JARID2: variants seen among roughly 807,000 people sequenced by gnomAD.
The protein encoded by JARID2 is protein Jumonji.
JARID2 carries 21 observed loss-of-function variants against 125.6 expected under a neutral mutation model. The observed-to-expected ratio is 0.17, with a 90% confidence interval of 0.12 to 0.24. The LOEUF is 0.24. JARID2 is among the 10% of genes least tolerant of loss of function. JARID2 has a pLI of 1.00. For missense variants in JARID2, 1,303 were observed against 1,639.6 expected, an observed-to-expected ratio of 0.79 and a Z score of 3.55; for synonymous variants, 736 against 661.6, an observed-to-expected ratio of 1.11 and a Z score of -1.73.
intron 1 of JARID2, among the ~76,000 whole-genome samples, chr6:15,257,227 G>A (rs1759700244): frequency 6.6e-6 from 1 of 152,156 alleles, no homozygotes; most frequent in South Asian, 2.1e-4. Context: ...AAATCCACGT[G>A]TAATCCCCAT....
intron 1 of JARID2, among the ~76,000 whole-genome samples, chr6:15,285,356 C>T (rs1442840718): frequency 6.6e-6 from 1 of 151,810 alleles, no homozygotes; most frequent in Non-Finnish European, 1.5e-5. Flanking sequence ...AACTGCTAAC[C>T]TCAGGTGATC....
At chr6:15,345,906 G>C (rs1409330764) in intron 1 of JARID2, among the ~76,000 whole-genome samples, 4 of 152,162 alleles carry the variant, frequency 2.6e-5, no homozygotes, top group Non-Finnish European at 4.4e-5. Context: ...TCTCTGCTCT[G>C]CTGCTTATCC....
At chr6:15,338,730 T>G (rs1338973535) in intron 1 of JARID2, among the ~76,000 whole-genome samples, 1 of 152,056 alleles carries the variant, frequency 6.6e-6, no homozygotes, top group African/African-American at 2.4e-5. Flanking sequence ...TGCTCCCTCC[T>G]AAAAATTCTT....
intron 1 of JARID2, among the ~76,000 whole-genome samples, chr6:15,259,513 C>T (rs1426900455): frequency 6.6e-6 from 1 of 152,194 alleles, no homozygotes; most frequent in Non-Finnish European, 1.5e-5. Flanking sequence ...AATGCCACAT[C>T]TCCTTCTCAA....
intron 1 of JARID2, among the ~76,000 whole-genome samples, chr6:15,302,936 T>C (rs898638787): frequency 6.6e-6 from 1 of 151,748 alleles, no homozygotes; most frequent in African/African-American, 2.4e-5. Context: ...GGGTTTCAGG[T>C]TGGTTTCGAA....
chr6:15,249,565 C>T (rs1452181951), intron 1 of JARID2, among the ~76,000 whole-genome samples: 1 of 152,164 alleles, frequency 6.6e-6, no homozygotes, highest in Non-Finnish European at 1.5e-5. Context: ...AACTAAGTCA[C>T]TGAAAAGATC....
chr6:15,395,372 C>T (rs756907630), intron 2 of JARID2, among the ~76,000 whole-genome samples: 3 of 150,826 alleles, frequency 2.0e-5, no homozygotes, highest in South Asian at 2.1e-4. Context: ...CTCAGCTCAC[C>T]GCAACCTCCG....
At chr6:15,396,395 T>A (rs1765219712) in intron 2 of JARID2, among the ~76,000 whole-genome samples, 1 of 152,202 alleles carries the variant, frequency 6.6e-6, no homozygotes, top group South Asian at 2.1e-4. Flanking sequence ...TTTTTCTTAA[T>A]CATTCTTAAT....
chr6:15,251,171 C>T (rs544573339), intron 1 of JARID2, among the ~76,000 whole-genome samples: 1 of 152,214 alleles, frequency 6.6e-6, no homozygotes, highest in South Asian at 2.1e-4. Flanking sequence ...CCTATCATGT[C>T]CGGCTAATTT....
chr6:15,359,046 C>T (rs953845390), intron 1 of JARID2, among the ~76,000 whole-genome samples: 28 of 152,214 alleles, frequency 1.8e-4, no homozygotes, highest in South Asian at 4.1e-4. Flanking sequence ...CACAAACCAC[C>T]AGCAGTGGTG....
Position 15,246,116 on chromosome 6 carries a change from T to C in JARID2, c.-424T>C, listed in dbSNP as rs1759176033. ...CTGCTGCTGCAGCACAAACGTGACT[T>C]CCAACATTTTTTATTTATCTTTCCC... On this transcript the variant is annotated 5_prime_UTR_variant, in exon 1 of 18. Coordinates refer to ENST00000341776, the MANE Select transcript of JARID2 (RefSeq NM_004973.4). 6.6e-6 allele frequency among the ~76,000 whole-genome samples: 1 copy of C among 152,158 alleles called. No homozygotes were observed. Among genetic ancestry groups the C allele is most frequent in the African/African-American group, 2.4e-5 (1 of 41,432 alleles).
At chr6:15,386,845 C>A (rs1038915376) in intron 2 of JARID2, among the ~76,000 whole-genome samples, 57 of 152,314 alleles carry the variant, frequency 3.7e-4, no homozygotes, top group African/African-American at 1.3e-3. Context: ...GGAATAAGAA[C>A]CCTGCGATTG....
At chr6:15,319,819 A>C (rs552148020) in intron 1 of JARID2, among the ~76,000 whole-genome samples, 1 of 152,338 alleles carries the variant, frequency 6.6e-6, no homozygotes, top group East Asian at 1.9e-4. Flanking sequence ...GATTATGTAA[A>C]TTAAAATAGT....
chr6:15,308,668 G>A (rs1433014952), intron 1 of JARID2, among the ~76,000 whole-genome samples: 1 of 152,130 alleles, frequency 6.6e-6, no homozygotes, highest in Non-Finnish European at 1.5e-5. Context: ...ATCTTATTAT[G>A]TATTTGTTAC....
At position 15,386,509 on chromosome 6, in the gene JARID2, G is replaced by A. The variant is rs550249749; in HGVS notation, c.181+12257G>A. Among the ~76,000 whole-genome samples, 446 of 152,214 alleles carry A rather than the reference G, an allele frequency of 2.9e-3. 5 individuals carry two copies. The highest frequency in any genetic ancestry group is 9.9e-3 in the African/African-American group (412 of 41,490). On this transcript the variant is annotated intron_variant, in intron 2 of 17. Transcript: ENST00000341776. ...ACATGTTTGTTTGTTTGTTTGTTTA[G>A]AGACAGAGTCTTGGTCTGCCACCCA...
chr6:15,513,822 G>T (rs867756467), intron 16 of JARID2, among the ~76,000 whole-genome samples: 1 of 152,246 alleles, frequency 6.6e-6, no homozygotes, highest in African/African-American at 2.4e-5. Flanking sequence ...TGTGGCCTGT[G>T]CCTGGTGCAC....
At chr6:15,300,071 T>C (rs1761550119) in intron 1 of JARID2, among the ~76,000 whole-genome samples, 2 of 152,204 alleles carry the variant, frequency 1.3e-5, no homozygotes, top group Non-Finnish European at 2.9e-5. Flanking sequence ...ATGCTCAAAA[T>C]ATGATTTCTC....
At chr6:15,385,200 C>G (rs1459750412) in intron 2 of JARID2, among the ~76,000 whole-genome samples, 1 of 152,180 alleles carries the variant, frequency 6.6e-6, no homozygotes, top group Non-Finnish European at 1.5e-5. Context: ...TTTAAATACA[C>G]AAAGCATACT....
chr6:15,509,069 T>C lies in JARID2; in HGVS notation c.2846+615T>C, dbSNP rs1368760607. The C allele has an allele frequency of 2.3e-6, 3 of 1,289,260 alleles. No individual in the cohort carries two copies. In the African/African-American group the frequency reaches 4.6e-5, roughly 20 times the overall value. The allele number at this position is 1,289,260 out of a possible 1,614,324, so 79.9% of individuals were successfully genotyped here. A position where few individuals can be genotyped will look rare whatever the true frequency, so the allele number is the denominator to read the frequency against. On this transcript the variant is annotated intron_variant, in intron 12 of 17. Transcript: ENST00000341776. ...GTGGAGACACGCGCGTTATGTACCC[T>C]GTGGAGTCTGTTGCCTGGCGAGGTG...
Sources: gnomAD v4.1 joint callset for allele counts (sites outside exome capture counted in the v4.1 genomes callset) on GRCh38, gnomAD v4.1.1 for gene constraint, MANE v1.5 for transcripts, NCBI Gene and HGNC (gene_info 2026-07-23, HGNC 2026-07-21) for gene names.